CDKAL1: variants seen among roughly 807,000 people sequenced by gnomAD.
CDKAL1 encodes the protein CDKAL1 threonylcarbamoyladenosine tRNA methylthiotransferase.
A neutral mutation model predicts 68.2 loss-of-function variants in CDKAL1; 32 were observed. The observed-to-expected ratio is 0.47, with a 90% CI of 0.35 to 0.63. The LOEUF (loss-of-function observed/expected upper bound fraction) is 0.63, where lower values mean the gene tolerates loss of function less well. Ranked by LOEUF, CDKAL1 falls within the 30% of genes least tolerant of loss-of-function variation. CDKAL1 has a pLI of 0.00. For missense variants in CDKAL1, 606 were observed against 696.7 expected, an observed-to-expected ratio of 0.87 and a Z score of 1.47; for synonymous variants, 234 against 244.3, an observed-to-expected ratio of 0.96 and a Z score of 0.39.
intron 10 of CDKAL1, 63 bp from the exon 11 acceptor site, chr6:21,000,164 G>A (rs1467748328): frequency 6.6e-6 from 9 of 1,358,406 alleles, no homozygotes; most frequent in African/African-American, 1.4e-5. Flanking sequence ...TGGTGTTGAT[G>A]TGAGGAAAAC....
At chr6:20,733,836 T>C (rs1191606095) in intron 5 of CDKAL1, among the ~76,000 whole-genome samples, 1 of 152,164 alleles carries the variant, frequency 6.6e-6, no homozygotes, top group African/African-American at 2.4e-5. Flanking sequence ...AAGTATTTTT[T>C]ATTATGCTAT....
intron 12 of CDKAL1, among the ~76,000 whole-genome samples, chr6:21,098,832 G>A (rs1374170577): frequency 2.0e-5 from 3 of 152,098 alleles, no homozygotes; most frequent in Non-Finnish European, 4.4e-5. Flanking sequence ...GCATTAGCAA[G>A]ATGTAGAGTC....
intron 9 of CDKAL1, among the ~76,000 whole-genome samples, chr6:20,933,880 G>A (rs1295658759): frequency 6.6e-6 from 1 of 150,916 alleles, no homozygotes; most frequent in Non-Finnish European, 1.5e-5. Context: ...GAATTCTGTG[G>A]TCAATAGAGA....
chr6:20,682,552 A>T (rs1770427385), intron 5 of CDKAL1, among the ~76,000 whole-genome samples: 1 of 152,064 alleles, frequency 6.6e-6, no homozygotes, highest in East Asian at 1.9e-4. Context: ...ACTTTTAAAC[A>T]ATGAGATCTC....
intron 7 of CDKAL1, among the ~76,000 whole-genome samples, chr6:20,767,102 A>G (rs1391866298): frequency 1.3e-5 from 2 of 152,130 alleles, no homozygotes; most frequent in Non-Finnish European, 2.9e-5. Flanking sequence ...TATACACTGC[A>G]TATGTATCAT....
At chr6:20,938,038 A>G (rs1430631593) in intron 9 of CDKAL1, among the ~76,000 whole-genome samples, 1 of 152,174 alleles carries the variant, frequency 6.6e-6, no homozygotes, top group Non-Finnish European at 1.5e-5. Context: ...TACATTCAGT[A>G]ATTAAAATTA....
At chr6:20,981,929 T>G (rs201263869) in intron 10 of CDKAL1, among the ~76,000 whole-genome samples, 1 of 152,238 alleles carries the variant, frequency 6.6e-6, no homozygotes, top group East Asian at 1.9e-4. Flanking sequence ...TAGACTCATC[T>G]TTGAAATATC....
At chr6:21,040,205 C>G (rs1430112886) in intron 11 of CDKAL1, among the ~76,000 whole-genome samples, 1 of 152,150 alleles carries the variant, frequency 6.6e-6, no homozygotes, top group African/African-American at 2.4e-5. Context: ...GGTGCCGATT[C>G]TCATAATACG....
intron 8 of CDKAL1, among the ~76,000 whole-genome samples, chr6:20,801,553 T>C (rs2150406713): frequency 6.6e-6 from 1 of 152,302 alleles, no homozygotes; most frequent in East Asian, 1.9e-4. Flanking sequence ...TTCCTCTAAA[T>C]ACTACATCAG....
intron 5 of CDKAL1, among the ~76,000 whole-genome samples, chr6:20,716,531 C>A (rs1052102464): frequency 6.8e-6 from 1 of 146,230 alleles, no homozygotes; most frequent in African/African-American, 2.7e-5. Context: ...GTAGATTGTG[C>A]AAATGAAAAG....
At chr6:20,855,934 G>A (rs1186348978) in intron 9 of CDKAL1, among the ~76,000 whole-genome samples, 1 of 152,154 alleles carries the variant, frequency 6.6e-6, no homozygotes, top group African/African-American at 2.4e-5. Context: ...CGAGACGTTT[G>A]GTTTGAATAG....
At chr6:20,645,751 AATAAAAAT>A (rs1441437538) in intron 4 of CDKAL1, among the ~76,000 whole-genome samples, 5 of 136,958 alleles carry the variant, frequency 3.7e-5, no homozygotes, top group African/African-American at 1.3e-4. Flanking sequence ...TAAATAAATA[AATAAAAAT>A]AAATAAATAA....
chr6:20,592,244 T>C (rs1344427505), intron 4 of CDKAL1, among the ~76,000 whole-genome samples: 2 of 152,206 alleles, frequency 1.3e-5, no homozygotes, highest in Non-Finnish European at 2.9e-5. Flanking sequence ...TTTGCTGAAG[T>C]TGCTTATCAG....
At chr6:21,164,295 T>G (rs1323700141) in intron 13 of CDKAL1, among the ~76,000 whole-genome samples, 5 of 152,000 alleles carry the variant, frequency 3.3e-5, no homozygotes, top group Admixed American at 3.3e-4. Flanking sequence ...CAAGCTGGGT[T>G]TTTTAAAAAA....
chr6:21,146,212 G>A (rs548400122), intron 13 of CDKAL1, among the ~76,000 whole-genome samples: 48 of 152,180 alleles, frequency 3.2e-4, no homozygotes, highest in African/African-American at 1.2e-3. Flanking sequence ...GCTCCAACAC[G>A]TGCTTTCTGG....
intron 12 of CDKAL1, among the ~76,000 whole-genome samples, chr6:21,085,394 TTAC>T (rs1334705533): frequency 6.6e-6 from 1 of 152,160 alleles, no homozygotes; most frequent in Admixed American, 6.5e-5. Flanking sequence ...TGGGTGCTCC[TTAC>T]TCAAGAGGCA....
chr6:20,671,386 G>A (rs1024275274), intron 5 of CDKAL1, among the ~76,000 whole-genome samples: 15 of 151,956 alleles, frequency 9.9e-5, no homozygotes, highest in African/African-American at 3.1e-4. Flanking sequence ...GTTTGTCTGT[G>A]GCATATGTCA....
chr6:21,076,192 TC>T (rs1477009687), intron 12 of CDKAL1, among the ~76,000 whole-genome samples: 1 of 152,182 alleles, frequency 6.6e-6, no homozygotes, highest in Non-Finnish European at 1.5e-5. Flanking sequence ...TGGCAGATTT[TC>T]CTTGTGAGGA....
At chr6:20,550,035 G>C (rs1763756875) in intron 4 of CDKAL1, among the ~76,000 whole-genome samples, 1 of 151,564 alleles carries the variant, frequency 6.6e-6, no homozygotes, top group Non-Finnish European at 1.5e-5. Context: ...CTGGAGTACA[G>C]TGTTGTGATC....
Sources: allele counts gnomAD v4.1 joint callset (sites outside exome capture counted in the v4.1 genomes callset), GRCh38; gene constraint gnomAD v4.1.1; transcripts MANE v1.5; gene names NCBI Gene and HGNC (gene_info 2026-07-23, HGNC 2026-07-21).